Variants in RBFOX1 observed in about 807,000 individuals in gnomAD.
RBFOX1 encodes RNA binding protein fox-1 homolog 1.
Under a neutral mutation model 57.7 loss-of-function variants are expected in RBFOX1, and 8 were observed. The ratio of observed to expected loss-of-function variants is 0.14; its 90% CI spans 0.08 to 0.25. The LOEUF is 0.25. Ranked by LOEUF, RBFOX1 falls within the 10% of genes least tolerant of loss-of-function variation. The probability of loss-of-function intolerance (pLI) is 1.00; values close to 1 mark genes in which losing one functional copy is unlikely to be tolerated. For missense variants in RBFOX1, 611 were observed against 548.5 expected (o/e 1.11, Z -1.14); for synonymous variants, 326 against 222.4 (o/e 1.47, Z -4.15).
chr16:7,098,406 G>C (rs891591178), intron 4 of RBFOX1, among the ~76,000 whole-genome samples: 1 of 152,132 alleles, frequency 6.6e-6, no homozygotes, highest in South Asian at 2.1e-4. Context: ...CTGACCTCAA[G>C]TGATCCACCT....
intron 3 of RBFOX1, among the ~76,000 whole-genome samples, chr16:5,666,336 G>T (rs1318497753): frequency 2.6e-5 from 4 of 152,166 alleles, no homozygotes; most frequent in African/African-American, 9.7e-5. Flanking sequence ...GCAATGTGAA[G>T]GTCTTACAAT....
At chr16:6,646,955 C>A (rs899128077) in intron 2 of RBFOX1, among the ~76,000 whole-genome samples, 1 of 152,154 alleles carries the variant, frequency 6.6e-6, no homozygotes, top group Non-Finnish European at 1.5e-5. Context: ...CCTTACAGGT[C>A]GTCTGGGAAC....
intron 2 of RBFOX1, among the ~76,000 whole-genome samples, chr16:6,444,849 C>T (rs1417710283): frequency 1.3e-5 from 2 of 152,050 alleles, no homozygotes; most frequent in Non-Finnish European, 2.9e-5. Flanking sequence ...GGGCTTGGTT[C>T]TGTGTGAGAA....
intron 4 of RBFOX1, among the ~76,000 whole-genome samples, chr16:7,451,832 C>A (rs28532809): frequency 6.6e-6 from 1 of 151,582 alleles, no homozygotes; most frequent in Non-Finnish European, 1.5e-5. Context: ...TCCCAGTTCC[C>A]TAATCTAATT....
At chr16:6,567,952 C>G (rs1448591761) in intron 2 of RBFOX1, among the ~76,000 whole-genome samples, 2 of 152,260 alleles carry the variant, frequency 1.3e-5, no homozygotes, top group South Asian at 2.1e-4. Context: ...TCCCGAGTAG[C>G]TGGGACTACA....
At chr16:5,642,201 C>T (rs2048902221) in intron 3 of RBFOX1, among the ~76,000 whole-genome samples, 1 of 152,142 alleles carries the variant, frequency 6.6e-6, no homozygotes, top group Non-Finnish European at 1.5e-5. Flanking sequence ...CCCTTCACTG[C>T]CCAAGCAGGC....
chr16:7,629,357 G>A (rs1169555241), intron 10 of RBFOX1, among the ~76,000 whole-genome samples: 2 of 152,168 alleles, frequency 1.3e-5, no homozygotes, highest in Non-Finnish European at 2.9e-5. Flanking sequence ...AAGGAGCATA[G>A]AACCATTCCC....
chr16:6,262,274 G>C (rs180857725), intron 1 of RBFOX1, among the ~76,000 whole-genome samples: 2 of 152,124 alleles, frequency 1.3e-5, no homozygotes, highest in African/African-American at 2.4e-5. Flanking sequence ...TCTCTTTAAG[G>C]GTACTTCCTG....
At chr16:6,859,518 A>T (rs1433957288) in intron 3 of RBFOX1, among the ~76,000 whole-genome samples, 1 of 151,954 alleles carries the variant, frequency 6.6e-6, no homozygotes, top group Non-Finnish European at 1.5e-5. Flanking sequence ...TGGACCTGCA[A>T]ATTTCCCAAA....
At chr16:6,486,343 A>T (rs1292125863) in intron 2 of RBFOX1, among the ~76,000 whole-genome samples, 2 of 152,008 alleles carry the variant, frequency 1.3e-5, no homozygotes, top group African/African-American at 2.4e-5. Context: ...CTAAATTTAT[A>T]ATTTTTATAT....
intron 1 of RBFOX1, among the ~76,000 whole-genome samples, chr16:6,242,960 C>G (rs2097547947): frequency 6.6e-6 from 1 of 151,976 alleles, no homozygotes. Context: ...AATATATGTC[C>G]TTGTTTTGTT....
intron 4 of RBFOX1, among the ~76,000 whole-genome samples, chr16:7,367,016 A>T (rs1264709913): frequency 6.6e-6 from 1 of 151,980 alleles, no homozygotes; most frequent in African/African-American, 2.4e-5. Context: ...AATGAATTGC[A>T]GATGGGTTTT....
At chr16:6,136,977 T>A (rs559192676) in intron 1 of RBFOX1, among the ~76,000 whole-genome samples, 1 of 152,228 alleles carries the variant, frequency 6.6e-6, no homozygotes, top group South Asian at 2.1e-4. Context: ...TTGCCTTTTT[T>A]AATTGAGTTG....
intron 4 of RBFOX1, among the ~76,000 whole-genome samples, chr16:7,364,705 G>T (rs1046228573): frequency 6.6e-6 from 1 of 151,914 alleles, no homozygotes; most frequent in East Asian, 1.9e-4. Flanking sequence ...TCTATCATCA[G>T]ATCTCTCTGG....
At chr16:6,682,077 T>C (rs935372282) in intron 3 of RBFOX1, among the ~76,000 whole-genome samples, 5 of 152,210 alleles carry the variant, frequency 3.3e-5, no homozygotes, top group African/African-American at 1.2e-4. Context: ...TTTTGCCCAA[T>C]AGAACAAAAT....
At chr16:7,471,839 G>C (rs993903044) in intron 4 of RBFOX1, among the ~76,000 whole-genome samples, 2 of 152,152 alleles carry the variant, frequency 1.3e-5, no homozygotes, top group African/African-American at 4.8e-5. Context: ...CCCACAGATT[G>C]GCTGTCACTA....
At chr16:5,806,622 G>A (rs1401988339) in intron 3 of RBFOX1, among the ~76,000 whole-genome samples, 4 of 152,180 alleles carry the variant, frequency 2.6e-5, no homozygotes, top group Non-Finnish European at 5.9e-5. Flanking sequence ...CTGTTCAAGG[G>A]TGAAAAATCA....
intron 4 of RBFOX1, among the ~76,000 whole-genome samples, chr16:5,910,679 C>G (rs976269073): frequency 1.3e-5 from 2 of 152,158 alleles, no homozygotes; most frequent in Admixed American, 1.3e-4. Flanking sequence ...ATGTGTCTCT[C>G]CATCAATGCC....
chr16:7,183,508 C>G (rs905952620), intron 4 of RBFOX1, among the ~76,000 whole-genome samples: 3 of 152,142 alleles, frequency 2.0e-5, no homozygotes, highest in Admixed American at 1.3e-4. Context: ...ATAAGAGATG[C>G]TTTATCTATT....
Sources: gnomAD v4.1 joint callset for allele counts (sites outside exome capture counted in the v4.1 genomes callset) on GRCh38, gnomAD v4.1.1 for gene constraint, MANE v1.5 for transcripts, NCBI Gene and HGNC (gene_info 2026-07-23, HGNC 2026-07-21) for gene names.